The following PAX6 variants were observed in gnomAD, a reference collection of about 807,000 sequenced individuals.
PAX6 encodes the protein paired box 6.
Under a neutral mutation model 60.7 loss-of-function variants are expected in PAX6, and 7 were observed. That is an observed-to-expected ratio of 0.12 (90% CI 0.07 to 0.22). PAX6 has a LOEUF of 0.22. PAX6 is among the 10% of genes least tolerant of loss of function. The pLI is 1.00. For missense variants in PAX6, 355 were observed against 555.2 expected (o/e 0.64, Z 3.62); for synonymous variants, 208 against 201.2 (o/e 1.03, Z -0.29).
chr11:31,789,747 T>C lies in PAX6; in HGVS notation c.*187A>G, dbSNP rs758658941. On this transcript the variant is annotated 3_prime_UTR_variant, in exon 14 of 14. Coordinates refer to ENST00000640368, the MANE Select transcript of PAX6 (RefSeq NM_001368894.2). ...TTGTTCCAACTGATATCGTGCCTTC[T>C]GTATACAAAGGTCCTTGTTTCAAGT... 1.5e-5 allele frequency: 11 copies of C among 710,218 alleles called. No individual in the cohort carries two copies. Among genetic ancestry groups the C allele is most frequent in the South Asian group, 1.0e-4 (7 of 67,660 alleles). 44.0% of individuals were successfully genotyped at this position (710,218 alleles called of 1,614,324 possible).
chr11:31,797,210 G>A (rs936191924), intron 8 of PAX6, among the ~76,000 whole-genome samples: 1 of 152,060 alleles, frequency 6.6e-6, no homozygotes, highest in African/African-American at 2.4e-5. Context: ...TGCCTTCCTA[G>A]GGGCCCCATC....
chr11:31,805,630 C>G (rs1369549085), intron 4 of PAX6: 3 of 152,720 alleles, frequency 2.0e-5, no homozygotes, highest in Admixed American at 1.3e-4. Flanking sequence ...TGCCGCGTAC[C>G]AGCACCCACC....
At chr11:31,796,915 G>A (rs80147899) in intron 8 of PAX6, among the ~76,000 whole-genome samples, 1,847 of 152,182 alleles carry the variant, frequency 0.012, 42 homozygotes, top group African/African-American at 0.041. Context: ...GACGCGCTCC[G>A]CTCACGTGTG....
At chr11:31,800,980 G>T in intron 7 of PAX6, 124 bp from the exon 8 acceptor site, 1 of 1,007,740 alleles carries the variant, frequency 9.9e-7, no homozygotes, top group Non-Finnish European at 1.5e-6. Context: ...AGCCACCCCG[G>T]GACAGTGGGT....
At chr11:31,817,313 A>G (rs1249275076) in intron 1 of PAX6, among the ~76,000 whole-genome samples, 1 of 152,234 alleles carries the variant, frequency 6.6e-6, no homozygotes, top group Non-Finnish European at 1.5e-5. Flanking sequence ...CGGTCCAGCC[A>G]TCTGCACTTT....
In PAX6 at chr11:31,800,869, C is replaced by T; in HGVS notation, c.400-13G>A. ...TTATTGATGACACCTGCAAATCAAA[C>T]CAAAATCAAACCAAATGGTAGTGTC... On this transcript the variant is annotated splice_polypyrimidine_tract_variant and intron_variant, in intron 7 of 13. Coordinates refer to ENST00000640368, the MANE Select transcript of PAX6 (RefSeq NM_001368894.2). 1 of 1,612,788 alleles carries T rather than the reference C, an allele frequency of 6.2e-7. No homozygotes were observed. The highest frequency in any genetic ancestry group is 1.1e-5 in the South Asian group (1 of 91,066).
intron 8 of PAX6, among the ~76,000 whole-genome samples, chr11:31,799,505 C>A (rs1387367592): frequency 6.6e-6 from 1 of 152,254 alleles, no homozygotes; most frequent in Non-Finnish European, 1.5e-5. Flanking sequence ...CAGCTGTCTC[C>A]TTCAACTAGA....
intron 12 of PAX6, chr11:31,792,000 C>A (rs961072448): frequency 6.6e-6 from 1 of 152,188 alleles, no homozygotes; most frequent in African/African-American, 2.4e-5. Flanking sequence ...TGGAAACAGC[C>A]CTAATATAAT....
chr11:31,801,850 A>T, intron 6 of PAX6, 21 bp downstream of exon 6: 1 of 1,613,650 alleles, frequency 6.2e-7, no homozygotes, highest in South Asian at 1.1e-5. Context: ...TTAAGTATGC[A>T]TTAAACAATG....
chr11:31,790,577 A>G (rs1484078482), intron 13 of PAX6, 133 bp downstream of exon 13: 4 of 1,538,266 alleles, frequency 2.6e-6, no homozygotes, highest in Non-Finnish European at 3.6e-6. Context: ...TTCCCTTTTC[A>G]ATCCCCATCC....
chr11:31,793,326 A>T, intron 12 of PAX6, 112 bp downstream of exon 12: 1 of 857,450 alleles, frequency 1.2e-6, no homozygotes, highest in Non-Finnish European at 2.0e-6. Flanking sequence ...CAATCACTGT[A>T]GTGCGAAAAG....
Position 31,800,839 on chromosome 11 carries a change from T to C in PAX6, c.417A>G (p.Arg139=), listed in dbSNP as rs1231578758. The C allele has an allele frequency of 1.2e-6, 2 of 1,614,056 alleles. No homozygotes were observed. Among genetic ancestry groups the C allele is most frequent in the Non-Finnish European group, 1.7e-6 (2 of 1,180,038 alleles). Residue 139 remains arginine, a synonymous_variant, in exon 8 of 14, where the codon AGA becomes AGG. Transcript: ENST00000640368. ...TTTCGCTAGCCAGGTTGCGAAGAAC[T>C]CTGTTTATTGATGACACCTGCAAAT... ...DNIPSVSSIN[R]VLRNLASEKQ...
At chr11:31,809,483 CA>C (rs1244210033) in intron 2 of PAX6, 1 of 152,208 alleles carries the variant, frequency 6.6e-6, no homozygotes, top group Non-Finnish European at 1.5e-5. Context: ...AGAAATCGCT[CA>C]TGAATGAAGA....
At chr11:31,798,291 G>A (rs1397738827) in intron 8 of PAX6, among the ~76,000 whole-genome samples, 2 of 152,118 alleles carry the variant, frequency 1.3e-5, no homozygotes. Flanking sequence ...GGGCTGGATA[G>A]AGTTGTCTCT....
Position 31,790,061 on chromosome 11 carries a change from T to C in PAX6, c.1226-42A>G, listed in dbSNP as rs372810626. ...GAAATAGCCATGTAGATATTCCCTT[T>C]GAGAAACAGACATGGAATACAAATT... On this transcript the variant is annotated intron_variant, in intron 13 of 13. Transcript: ENST00000640368. The C allele has an allele frequency of 2.0e-5, 16 of 798,464 alleles. No individual in the cohort carries two copies. In the African/African-American group the frequency reaches 3.6e-4, roughly 18 times the overall value. The allele number at this position is 798,464 out of a possible 1,614,324, so 49.5% of individuals were successfully genotyped here.
chr11:31,800,719 C>T lies in PAX6; in HGVS notation c.537G>A (p.Gly179=). The change falls in exon 8 of 14, where the codon GGG becomes GGA. Residue 179 remains glycine, a synonymous_variant. Transcript: ENST00000640368. ...SWGTRPGWYP[G]TSVPGQPTQD... ...GCGTAGGTTGCCCTGGCACCGAAGT[C>T]CCCGGATACCAACCAGGGCGGGTGC... The T allele has an allele frequency of 1.2e-6, 2 of 1,614,194 alleles. No homozygotes were observed. Among genetic ancestry groups the T allele is most frequent in the Non-Finnish European group, 1.7e-6 (2 of 1,180,028 alleles).
intron 12 of PAX6, chr11:31,791,511 G>A (rs906075187): frequency 1.3e-5 from 2 of 159,280 alleles, no homozygotes; most frequent in Admixed American, 5.8e-5. Flanking sequence ...TGCTACCCTC[G>A]AACTGTTCGG....
chr11:31,789,900 A>G lies in PAX6; in HGVS notation c.*34T>C, dbSNP rs753270350. ...CATAGTCACTGACTGAATTAACACA[A>G]TATTTCCTTTCCTTTTTTTTTTTTT... is the stretch of plus-strand genomic sequence containing the variant. On this transcript the variant is annotated 3_prime_UTR_variant, in exon 14 of 14. Coordinates refer to ENST00000640368, the MANE Select transcript of PAX6 (RefSeq NM_001368894.2). 9 of 1,544,288 alleles carry G rather than the reference A, an allele frequency of 5.8e-6. No homozygotes were observed. The highest frequency in any genetic ancestry group is 1.7e-4 in the Middle Eastern group (1 of 5,908).
intron 1 of PAX6, 30 bp from the exon 2 acceptor site, chr11:31,811,045 A>G: frequency 2.5e-6 from 1 of 399,326 alleles, no homozygotes; most frequent in Non-Finnish European, 4.4e-6. Context: ...TGACAATAAA[A>G]TGGGCTGTCA....
Sources: allele counts gnomAD v4.1 joint callset (sites outside exome capture counted in the v4.1 genomes callset), GRCh38; gene constraint gnomAD v4.1.1; transcripts MANE v1.5; gene names NCBI Gene and HGNC (gene_info 2026-07-23, HGNC 2026-07-21).